SLC16A2: variants seen among roughly 807,000 people sequenced by gnomAD.
SLC16A2 encodes the protein solute carrier family 16 member 2, also known as monocarboxylate transporter 8.
Under a neutral mutation model 27.2 loss-of-function variants are expected in SLC16A2, and 3 were observed. The observed-to-expected ratio is 0.11, with a 90% CI of 0.05 to 0.28. The LOEUF (loss-of-function observed/expected upper bound fraction) is 0.28. Ranked by LOEUF, SLC16A2 falls within the 10% of genes least tolerant of loss-of-function variation. The pLI is 1.00. For missense variants in SLC16A2, 295 were observed against 458.5 expected, an observed-to-expected ratio of 0.64 and a Z score of 3.26; for synonymous variants, 202 against 187.8, an observed-to-expected ratio of 1.08 and a Z score of -0.62.
chrX:74,520,667 T>G (rs5937842), intron 1 of SLC16A2, among the ~76,000 whole-genome samples: 1 of 110,631 alleles, frequency 9.0e-6, no homozygotes, highest in Non-Finnish European at 1.9e-5. Context: ...GAGACAAGCC[T>G]GACCTTAGCT....
chrX:74,529,363 C>A lies in SLC16A2; in HGVS notation c.1321C>A (p.Pro441Thr). Residue 441 changes from proline to threonine, a missense_variant, in exon 5 of 6, where the codon CCA becomes ACA. Around this residue, in one of 3 missense-constraint regions of SLC16A2, gnomAD observed 144 missense variants for 219.8 expected, o/e 0.66. Transcript: ENST00000587091. ...MAPIAFELVG[P>T]MQASQAIGYL... Reference sequence around the variant, plus strand: ...CCCCATTGCATTTGAGCTGGTGGGCCCAATGCAGGCCTCACAGGCCATTGG... The same window carrying A: ...CCCCATTGCATTTGAGCTGGTGGGCACAATGCAGGCCTCACAGGCCATTGG... 8.3e-7 allele frequency: 1 copy of A among 1,204,737 alleles called. No homozygotes were observed. The highest frequency in any genetic ancestry group is 1.1e-6 in the Non-Finnish European group (1 of 891,614).
intron 1 of SLC16A2, among the ~76,000 whole-genome samples, chrX:74,461,113 T>A (rs983318638): frequency 8.9e-6 from 1 of 112,336 alleles, no homozygotes; most frequent in Admixed American, 9.5e-5. Flanking sequence ...TGCCTTCTTA[T>A]GGAAGATGTT....
intron 1 of SLC16A2, among the ~76,000 whole-genome samples, chrX:74,477,453 T>C (rs1284757165): frequency 8.9e-6 from 1 of 112,029 alleles, no homozygotes; most frequent in Non-Finnish European, 1.9e-5. Flanking sequence ...ATTGATTTTT[T>C]TAAGGGGTTT....
At chrX:74,502,833 T>C (rs775605261) in intron 1 of SLC16A2, among the ~76,000 whole-genome samples, 58 of 111,092 alleles carry the variant, frequency 5.2e-4, no homozygotes, top group Non-Finnish European at 9.4e-4. Flanking sequence ...TGCCCTCATA[T>C]TACCCACATG....
At chrX:74,444,101 A>T (rs751376783) in intron 1 of SLC16A2, among the ~76,000 whole-genome samples, 3 of 111,635 alleles carry the variant, frequency 2.7e-5, no homozygotes, top group Non-Finnish European at 3.8e-5. Flanking sequence ...TGTGGAGGCA[A>T]CATCTGAGGG....
chrX:74,479,272 G>A (rs1056449379), intron 1 of SLC16A2, among the ~76,000 whole-genome samples: 3 of 111,645 alleles, frequency 2.7e-5, no homozygotes, highest in Non-Finnish European at 5.6e-5. Flanking sequence ...CCAGTTGATC[G>A]AATTGGCTAC....
intron 1 of SLC16A2, among the ~76,000 whole-genome samples, chrX:74,507,732 T>C (rs1930159246): frequency 8.9e-6 from 1 of 112,016 alleles, no homozygotes; most frequent in African/African-American, 3.2e-5. Flanking sequence ...AAGAATGAAA[T>C]CATGTCTTTT....
chrX:74,480,847 T>C (rs760499300), intron 1 of SLC16A2, among the ~76,000 whole-genome samples: 1 of 112,200 alleles, frequency 8.9e-6, no homozygotes, highest in Admixed American at 9.4e-5. Context: ...CAGCAATAAG[T>C]ATATTAGCCT....
Position 74,456,438 on chromosome X carries a change from A to G in SLC16A2, c.430+34371A>G, listed in dbSNP as rs778897911. 2.4e-4 allele frequency among the ~76,000 whole-genome samples: 27 copies of G among 111,560 alleles called. No homozygotes were observed. In the South Asian group the frequency reaches 9.9e-3, roughly 41 times the overall value. On this transcript the variant is annotated intron_variant, in intron 1 of 5. Coordinates refer to ENST00000587091, the MANE Select transcript of SLC16A2 (RefSeq NM_006517.5). ...GAGCAGTTGAGGTGATTTCAACTCC[A>G]TGGGATGCTGCTACAGACACACTTG...
intron 2 of SLC16A2, among the ~76,000 whole-genome samples, chrX:74,521,853 C>A (rs895860699): frequency 8.9e-6 from 1 of 112,204 alleles, no homozygotes; most frequent in Non-Finnish European, 1.9e-5. Context: ...TAAACTGAAA[C>A]CCTAGTCCCA....
At chrX:74,458,556 C>A (rs920144982) in intron 1 of SLC16A2, among the ~76,000 whole-genome samples, 4 of 110,940 alleles carry the variant, frequency 3.6e-5, no homozygotes, top group Admixed American at 9.6e-5. Context: ...CCATGTTGGT[C>A]AGGCTGGTCT....
intron 2 of SLC16A2, among the ~76,000 whole-genome samples, chrX:74,523,311 C>T (rs1251755463): frequency 8.9e-6 from 1 of 112,767 alleles, no homozygotes; most frequent in East Asian, 2.8e-4. Context: ...ACCATATCTT[C>T]TCTGCAGCTT....
chrX:74,473,124 C>A (rs778777590), intron 1 of SLC16A2: 2 of 570,983 alleles, frequency 3.5e-6, no homozygotes, highest in Admixed American at 2.2e-5. Flanking sequence ...GGGGCCAGAG[C>A]TTCTGACTCC....
intron 1 of SLC16A2, among the ~76,000 whole-genome samples, chrX:74,487,975 A>C (rs1464430495): frequency 8.9e-6 from 1 of 112,144 alleles, no homozygotes; most frequent in Non-Finnish European, 1.9e-5. Flanking sequence ...TGTAGTAACC[A>C]AAATTCCCAG....
In SLC16A2 at chrX:74,473,143, A is replaced by G. The variant is rs112777807; in HGVS notation, c.431-47847A>G. On this transcript the variant is annotated intron_variant, in intron 1 of 5. Coordinates refer to ENST00000587091, the MANE Select transcript of SLC16A2 (RefSeq NM_006517.5). ...CCAGAGCTTCTGACTCCAAAGTTTC[A>G]TGGGTCCATAATTTGAAGACTGATT... 2.5e-5 allele frequency: 15 copies of G among 591,437 alleles called. No homozygotes were observed. In the East Asian group the frequency reaches 4.6e-4, roughly 18 times the overall value. The allele number at this position is 591,437 out of a possible 1,213,427, so 48.7% of individuals were successfully genotyped here. A position where few individuals can be genotyped will look rare whatever the true frequency, so the allele number is the denominator to read the frequency against.
intron 1 of SLC16A2, among the ~76,000 whole-genome samples, chrX:74,495,828 A>C (rs1176794148): frequency 9.0e-6 from 1 of 110,984 alleles, no homozygotes; most frequent in Non-Finnish European, 1.9e-5. Context: ...TGTCTAGATA[A>C]GCATGTTTAT....
At chrX:74,474,814 A>C (rs1179685179) in intron 1 of SLC16A2, among the ~76,000 whole-genome samples, 38 of 110,146 alleles carry the variant, frequency 3.4e-4, no homozygotes, top group South Asian at 1.2e-3. Context: ...TGAACTCATC[A>C]TTTTTTATGG....
intron 1 of SLC16A2, among the ~76,000 whole-genome samples, chrX:74,496,618 G>A (rs1273278891): frequency 8.9e-6 from 1 of 112,322 alleles, no homozygotes; most frequent in African/African-American, 3.2e-5. Context: ...ATCCTGTGCT[G>A]CAGGCTGTGT....
intron 1 of SLC16A2, among the ~76,000 whole-genome samples, chrX:74,496,118 A>G (rs5937283): frequency 0.53 from 58,049 of 110,457 alleles, 13,381 homozygotes; most frequent in Non-Finnish European, 0.73. Flanking sequence ...GACCCCTCAG[A>G]AGGGATCTTT....
Sources: gnomAD v4.1 joint callset for allele counts (sites outside exome capture counted in the v4.1 genomes callset) on GRCh38, gnomAD v4.1.1 for gene constraint, gnomAD v4.1.1 regional missense constraint, MANE v1.5 for transcripts, NCBI Gene and HGNC (gene_info 2026-07-23, HGNC 2026-07-21) for gene names.